The following IDE variants were observed in gnomAD, a reference collection of about 807,000 sequenced individuals.
The protein encoded by IDE is insulin-degrading enzyme.
IDE carries 58 observed loss-of-function variants against 133.2 expected under a neutral mutation model. The ratio of observed to expected loss-of-function variants is 0.44; its 90% CI spans 0.35 to 0.54. The LOEUF is 0.54. IDE is among the 20% of genes least tolerant of loss of function. IDE has a pLI of 0.00. For synonymous variants in IDE, 396 were observed against 421.3 expected (o/e 0.94, Z 0.73); for missense variants, 981 against 1,234.0 (o/e 0.79, Z 3.07).
intron 14 of IDE, chr10:92,480,947 G>A (rs1846567525): frequency 2.1e-6 from 2 of 945,576 alleles, no homozygotes; most frequent in African/African-American, 1.8e-5. Flanking sequence ...GGGATAAAAT[G>A]TGTAGTCACT....
At chr10:92,464,031 A>C (rs1845541477) in intron 20 of IDE, 28 bp from the exon 21 acceptor site, 6 of 1,588,256 alleles carry the variant, frequency 3.8e-6, no homozygotes, top group Non-Finnish European at 5.1e-6. Context: ...GCCAGTCATG[A>C]CCGTGGCATT....
intron 11 of IDE, among the ~76,000 whole-genome samples, chr10:92,494,196 G>A (rs978954213): frequency 1.3e-5 from 2 of 151,582 alleles, no homozygotes; most frequent in African/African-American, 2.4e-5. Flanking sequence ...CAAGTAGCTG[G>A]GACTACAGGC....
intron 11 of IDE, among the ~76,000 whole-genome samples, chr10:92,492,235 G>A (rs1847397875): frequency 6.6e-6 from 1 of 151,450 alleles, no homozygotes; most frequent in Non-Finnish European, 1.5e-5. Context: ...ACTCCAGCCT[G>A]GGAGACAGAG....
At chr10:92,558,863 G>A (rs868289652) in intron 1 of IDE, 1 of 151,744 alleles carries the variant, frequency 6.6e-6, no homozygotes, top group African/African-American at 2.4e-5. Flanking sequence ...CCAAAGTGCT[G>A]GGATTACAGG....
rs577453976 is a variant in IDE at position 92,541,852 on chromosome 10, A to C, written c.99-4302T>G. On this transcript the variant is annotated intron_variant, in intron 1 of 24. Transcript: ENST00000265986. ...AAATATCAGAACCCACCAGAGACCT[A>C]CTGAGCCATAATCTGCATTTTAACA... Among the ~76,000 whole-genome samples the C allele has an allele frequency of 3.3e-5, 5 of 152,256 alleles. No individual in the cohort carries two copies. The East Asian group carries it at 9.7e-4, about 29-fold the overall frequency.
In IDE at chr10:92,469,534, T is replaced by G. The variant is rs143740072; in HGVS notation, c.2209-544A>C. ...GCCTCAACCTCCTAGGCTCAAGAGATCCTCTTGCCTCAGCCTCCTGAGTAG... is the reference window on the plus strand; with the variant it reads ...GCCTCAACCTCCTAGGCTCAAGAGAGCCTCTTGCCTCAGCCTCCTGAGTAG... On this transcript the variant is annotated intron_variant, in intron 18 of 24. Transcript: ENST00000265986. Among the ~76,000 whole-genome samples, 404 of 152,172 alleles carry G rather than the reference T, an allele frequency of 2.7e-3. 1 individual carries two copies. Among genetic ancestry groups the G allele is most frequent in the African/African-American group, 9.3e-3 (387 of 41,518 alleles).
intron 4 of IDE, among the ~76,000 whole-genome samples, chr10:92,521,773 T>G (rs1849237891): frequency 6.6e-6 from 1 of 152,156 alleles, no homozygotes; most frequent in Admixed American, 6.6e-5. Flanking sequence ...TCAAATAAAC[T>G]TTAAAAATAA....
At chr10:92,502,964 A>T (rs563119478) in intron 11 of IDE, among the ~76,000 whole-genome samples, 1 of 152,344 alleles carries the variant, frequency 6.6e-6, no homozygotes, top group Admixed American at 6.5e-5. Flanking sequence ...TGCGTAGGAA[A>T]CATTGTAACC....
intron 6 of IDE, among the ~76,000 whole-genome samples, chr10:92,509,315 G>A (rs1848462282): frequency 6.6e-6 from 1 of 152,096 alleles, no homozygotes; most frequent in Non-Finnish European, 1.5e-5. Flanking sequence ...CATGGGGGCC[G>A]GGTGCGGTGG....
intron 15 of IDE, among the ~76,000 whole-genome samples, chr10:92,476,869 C>T (rs957262383): frequency 4.6e-5 from 7 of 152,270 alleles, no homozygotes; most frequent in South Asian, 4.1e-4. Flanking sequence ...CATAGTGGCA[C>T]GTACAAGTCG....
intron 19 of IDE, among the ~76,000 whole-genome samples, chr10:92,466,230 CAAA>C (rs59698259): frequency 7.1e-5 from 5 of 69,978 alleles, no homozygotes; most frequent in Admixed American, 1.6e-4. Flanking sequence ...GACCCTGTCT[CAAA>C]AAAAAAAAAA....
At chr10:92,480,006 A>G (rs1479779117) in intron 14 of IDE, among the ~76,000 whole-genome samples, 1 of 152,260 alleles carries the variant, frequency 6.6e-6, no homozygotes, top group East Asian at 1.9e-4. Context: ...AATTTCTATC[A>G]TATAACAGCA....
rs568555612 is a variant in IDE at position 92,537,200 on chromosome 10, T to C, written c.283+166A>G. Among the ~76,000 whole-genome samples, 15 of 152,292 alleles carry C rather than the reference T, an allele frequency of 9.8e-5. No homozygotes were observed. In the South Asian group the frequency reaches 3.1e-3, roughly 32 times the overall value. On this transcript the variant is annotated intron_variant, in intron 2 of 24. Transcript: ENST00000265986. Reference sequence around the variant, plus strand: ...CTTAGAAAATGTAAGATTATTTGACTGAAACAACTGCAGTTTACCAATAGC... The same window carrying C: ...CTTAGAAAATGTAAGATTATTTGACCGAAACAACTGCAGTTTACCAATAGC...
intron 12 of IDE, among the ~76,000 whole-genome samples, chr10:92,488,145 C>T (rs1330424593): frequency 2.0e-5 from 3 of 151,942 alleles, no homozygotes; most frequent in Non-Finnish European, 4.4e-5. Flanking sequence ...CACTCTGTTG[C>T]CCAGGCTGGA....
chr10:92,464,945 T>C (rs972311543), intron 20 of IDE, among the ~76,000 whole-genome samples: 1 of 152,202 alleles, frequency 6.6e-6, no homozygotes, highest in Non-Finnish European at 1.5e-5. Context: ...GCTGGGATTA[T>C]AGGCGTGAGC....
Position 92,456,415 on chromosome 10 carries a change from T to C in IDE, c.2840A>G (p.Asp947Gly), listed in dbSNP as rs1240784010. 3 of 1,613,474 alleles carry C rather than the reference T, an allele frequency of 1.9e-6. No individual in the cohort carries two copies. Among genetic ancestry groups the C allele is most frequent in the Non-Finnish European group, 1.7e-6 (2 of 1,179,492 alleles). ...IKFYKEMLAV[D>G]APRRHKVSVH... is the part of the protein sequence containing the mutation. The stretch of plus-strand genomic sequence containing the variant: ...GGATACCTTATGTCTCCTTGGAGCA[T>C]CTACTGCCAACATTTCCTAGGCACA... Residue 947 changes from aspartate to glycine, a missense_variant, in exon 23 of 25, where the codon GAT becomes GGT. This residue lies in a region of IDE where 660 missense variants were observed against 894.7 expected (regional missense o/e 0.74). Coordinates refer to ENST00000265986, the MANE Select transcript of IDE (RefSeq NM_004969.4).
In IDE at chr10:92,479,337, T is replaced by C. The variant is rs1846463161; in HGVS notation, c.1824A>G (p.Ala608=). ...TCAAGCCTGCTAGCTCTGCTGCATA[T>C]GCATACTCGTTGAGTGAGTCTTTGA... ...ELLKDSLNEY[A]YAAELAGLSY... The change falls in exon 15 of 25, where the codon GCA becomes GCG. Residue 608 remains alanine (A), a synonymous_variant. Transcript: ENST00000265986. 6.2e-7 allele frequency: 1 copy of C among 1,613,526 alleles called. No homozygotes were observed. Among genetic ancestry groups the C allele is most frequent in the African/African-American group, 1.3e-5 (1 of 74,928 alleles).
intron 1 of IDE, among the ~76,000 whole-genome samples, chr10:92,555,817 G>T (rs1362335111): frequency 2.0e-5 from 3 of 152,140 alleles, no homozygotes; most frequent in African/African-American, 7.2e-5. Context: ...ATTCAACACT[G>T]TCCTGGAAGT....
intron 4 of IDE, among the ~76,000 whole-genome samples, chr10:92,517,608 C>T (rs1479269065): frequency 1.3e-5 from 2 of 151,990 alleles, no homozygotes; most frequent in Non-Finnish European, 2.9e-5. Context: ...TTGGTAGAAC[C>T]AGGGTCTATG....
Sources: allele counts gnomAD v4.1 joint callset (sites outside exome capture counted in the v4.1 genomes callset), GRCh38; gene constraint gnomAD v4.1.1; regional missense constraint gnomAD v4.1.1; transcripts MANE v1.5; gene names NCBI Gene and HGNC (gene_info 2026-07-23, HGNC 2026-07-21).